Variants in SLC35F1 observed in about 807,000 individuals in gnomAD.
The protein encoded by SLC35F1 is solute carrier family 35 member F1.
In SLC35F1, 14 loss-of-function variants were observed where a neutral mutation model predicts 48.7. The ratio of observed to expected loss-of-function variants is 0.29; its 90% CI spans 0.19 to 0.45. SLC35F1 has a LOEUF of 0.45. Among genes scored for constraint, SLC35F1 ranks in the 20% least tolerant of loss-of-function variants. The probability of loss-of-function intolerance (pLI) is 1.00; values close to 1 mark genes in which losing one functional copy is unlikely to be tolerated. For synonymous variants in SLC35F1, 190 were observed against 202.2 expected (o/e 0.94, Z 0.51); for missense variants, 404 against 500.0 (o/e 0.81, Z 1.83).
chr6:117,912,293 G>A (rs535619743), intron 1 of SLC35F1, among the ~76,000 whole-genome samples: 8 of 152,212 alleles, frequency 5.3e-5, no homozygotes, highest in South Asian at 2.1e-4. Flanking sequence ...ACCAAAGATC[G>A]TTAAGGATAT....
At chr6:118,118,106 A>T (rs1465254085) in intron 1 of SLC35F1, among the ~76,000 whole-genome samples, 1 of 152,126 alleles carries the variant, frequency 6.6e-6, no homozygotes, top group Non-Finnish European at 1.5e-5. Flanking sequence ...TAGTCATGGA[A>T]ATTTGTGACT....
intron 1 of SLC35F1, among the ~76,000 whole-genome samples, chr6:117,916,384 GTGCC>G (rs1775826284): frequency 6.6e-6 from 1 of 152,126 alleles, no homozygotes; most frequent in South Asian, 2.1e-4. Context: ...AGAAGCACTG[GTGCC>G]AGCCAGATAT....
intron 1 of SLC35F1, among the ~76,000 whole-genome samples, chr6:118,127,571 G>C (rs1342912540): frequency 1.3e-5 from 2 of 152,006 alleles, no homozygotes; most frequent in African/African-American, 4.8e-5. Flanking sequence ...AGGATTCCCT[G>C]TTTAATAAAT....
intron 2 of SLC35F1, among the ~76,000 whole-genome samples, chr6:118,216,474 A>AT (rs982407819): frequency 6.6e-6 from 1 of 151,038 alleles, no homozygotes; most frequent in African/African-American, 2.4e-5. Context: ...TCAAAAAAAA[A>AT]AAAGAAAAGA....
intron 1 of SLC35F1, among the ~76,000 whole-genome samples, chr6:118,151,174 T>C (rs968093971): frequency 2.6e-5 from 4 of 152,178 alleles, no homozygotes; most frequent in African/African-American, 9.7e-5. Context: ...CCGACTCCAG[T>C]GATGTGCTTC....
intron 2 of SLC35F1, among the ~76,000 whole-genome samples, chr6:118,206,543 A>T (rs1489628755): frequency 6.6e-6 from 1 of 152,264 alleles, no homozygotes; most frequent in Non-Finnish European, 1.5e-5. Flanking sequence ...ACAATAATGA[A>T]TATATTATGC....
chr6:118,278,675 C>T (rs562709326), intron 6 of SLC35F1, among the ~76,000 whole-genome samples: 13 of 152,212 alleles, frequency 8.5e-5, no homozygotes, highest in Non-Finnish European at 1.5e-4. Flanking sequence ...ATCAACAGGG[C>T]AAGGAGAGAG....
intron 7 of SLC35F1, among the ~76,000 whole-genome samples, chr6:118,296,671 C>T (rs946283911): frequency 6.6e-6 from 1 of 152,068 alleles, no homozygotes; most frequent in Non-Finnish European, 1.5e-5. Flanking sequence ...TTTGAGCTCA[C>T]GTCATCATGA....
intron 1 of SLC35F1, among the ~76,000 whole-genome samples, chr6:118,055,493 A>G (rs980675797): frequency 9.9e-5 from 15 of 152,192 alleles, no homozygotes; most frequent in African/African-American, 3.6e-4. Flanking sequence ...GCTTATTTTT[A>G]AAGTGGCAAA....
intron 1 of SLC35F1, among the ~76,000 whole-genome samples, chr6:118,012,103 GA>G (rs549562355): frequency 2.6e-5 from 4 of 151,536 alleles, no homozygotes; most frequent in African/African-American, 7.3e-5. Context: ...AAGGATTAAG[GA>G]AAAAAAATCT....
intron 1 of SLC35F1, among the ~76,000 whole-genome samples, chr6:117,929,659 CA>C (rs1582569245): frequency 6.6e-6 from 1 of 152,062 alleles, no homozygotes; most frequent in African/African-American, 2.4e-5. Context: ...TGGAAAACTT[CA>C]GTTTTTGCTC....
At chr6:118,177,689 A>T (rs2114505122) in intron 2 of SLC35F1, among the ~76,000 whole-genome samples, 1 of 152,168 alleles carries the variant, frequency 6.6e-6, no homozygotes. Context: ...GTTTTGTTTT[A>T]AAAAAACAGT....
intron 1 of SLC35F1, among the ~76,000 whole-genome samples, chr6:118,066,699 G>T (rs1772618906): frequency 1.3e-5 from 2 of 150,894 alleles, no homozygotes; most frequent in African/African-American, 4.9e-5. Flanking sequence ...CCAAGGAATA[G>T]AGTTCAGGTC....
At chr6:118,014,591 G>C (rs976947595) in intron 1 of SLC35F1, among the ~76,000 whole-genome samples, 2 of 152,138 alleles carry the variant, frequency 1.3e-5, no homozygotes, top group Non-Finnish European at 2.9e-5. Flanking sequence ...TTGGGGGTTG[G>C]TGTGGTCATG....
At chr6:118,141,133 C>T (rs71559824) in intron 1 of SLC35F1, among the ~76,000 whole-genome samples, 1 of 152,198 alleles carries the variant, frequency 6.6e-6, no homozygotes, top group Non-Finnish European at 1.5e-5. Flanking sequence ...CACTCACTCA[C>T]TGACTCAAGC....
intron 1 of SLC35F1, among the ~76,000 whole-genome samples, chr6:117,950,914 A>C (rs1005147098): frequency 2.0e-5 from 3 of 152,222 alleles, no homozygotes; most frequent in Non-Finnish European, 4.4e-5. Flanking sequence ...TTTCTAAGAA[A>C]TGGAAATAAA....
At chr6:118,264,217 C>T (rs1391868330) in intron 3 of SLC35F1, among the ~76,000 whole-genome samples, 1 of 152,178 alleles carries the variant, frequency 6.6e-6, no homozygotes, top group African/African-American at 2.4e-5. Flanking sequence ...GACAATCTTG[C>T]AAAATCAGTT....
chr6:118,256,830 C>G (rs191273731), intron 3 of SLC35F1, among the ~76,000 whole-genome samples: 1 of 152,236 alleles, frequency 6.6e-6, no homozygotes, highest in Admixed American at 6.5e-5. Flanking sequence ...AAGTTAGGGA[C>G]TGTCTGTATA....
intron 1 of SLC35F1, among the ~76,000 whole-genome samples, chr6:117,909,567 G>A (rs767752652): frequency 1.1e-4 from 16 of 152,124 alleles, no homozygotes; most frequent in Non-Finnish European, 2.1e-4. Flanking sequence ...GTGGTTTGCA[G>A]CAGAGCCATT....
Sources: allele counts gnomAD v4.1 joint callset (sites outside exome capture counted in the v4.1 genomes callset), GRCh38; gene constraint gnomAD v4.1.1; transcripts MANE v1.5; gene names NCBI Gene and HGNC (gene_info 2026-07-23, HGNC 2026-07-21).